DNM2: variants seen among roughly 807,000 people sequenced by gnomAD.
DNM2 encodes dynamin 2.
A neutral mutation model predicts 99.0 loss-of-function variants in DNM2; 15 were observed. The observed-to-expected ratio is 0.15, with a 90% CI of 0.10 to 0.23. The LOEUF (loss-of-function observed/expected upper bound fraction) is 0.23, where lower values mean the gene tolerates loss of function less well. Ranked by LOEUF, DNM2 falls within the 10% of genes least tolerant of loss-of-function variation. DNM2 has a pLI of 1.00. For missense variants in DNM2, 742 were observed against 1,189.4 expected, an observed-to-expected ratio of 0.62 and a Z score of 5.53; for synonymous variants, 525 against 481.2, an observed-to-expected ratio of 1.09 and a Z score of -1.19.
chr19:10,787,686 C>T (rs551945329), intron 7 of DNM2, among the ~76,000 whole-genome samples: 78 of 142,492 alleles, frequency 5.5e-4, no homozygotes, highest in Non-Finnish European at 7.9e-4. Flanking sequence ...ACCCAGGAGG[C>T]GGAGCTTGCA....
chr19:10,724,998 C>G (rs564222748), intron 1 of DNM2, among the ~76,000 whole-genome samples: 1 of 152,216 alleles, frequency 6.6e-6, no homozygotes, highest in Admixed American at 6.5e-5. Flanking sequence ...ATCGGATGCC[C>G]GTTGGCTCCT....
intron 2 of DNM2, among the ~76,000 whole-genome samples, chr19:10,770,844 C>T (rs1176726848): frequency 1.3e-5 from 2 of 152,188 alleles, no homozygotes; most frequent in Non-Finnish European, 1.5e-5. Context: ...GTCCCTGCTA[C>T]AACACAAGGG....
chr19:10,786,590 G>T lies in DNM2; in HGVS notation c.876G>T (p.Ser292=), dbSNP rs749140605. 1.2e-6 allele frequency: 2 copies of T among 1,614,072 alleles called. No homozygotes were observed. The highest frequency in any genetic ancestry group is 1.7e-6 in the Non-Finnish European group (2 of 1,179,996). The part of the protein sequence containing the change: ...NQQLTNHIRE[S]LPALRSKLQS... ...AACTGACCAACCACATCCGGGAGTC[G>T]CTGCCGGCCCTACGTAGCAAACTAC... Residue 292 remains serine, a synonymous_variant, in exon 7 of 21, where the codon TCG becomes TCT. Coordinates refer to ENST00000389253, the MANE Select transcript of DNM2 (RefSeq NM_001005361.3).
intron 1 of DNM2, among the ~76,000 whole-genome samples, chr19:10,730,217 C>T (rs986783030): frequency 5.3e-5 from 8 of 152,110 alleles, no homozygotes; most frequent in Non-Finnish European, 1.2e-4. Flanking sequence ...TGGTGACTCA[C>T]GCCTGTAATC....
At chr19:10,757,932 AAG>A (rs2145843925) in intron 1 of DNM2, among the ~76,000 whole-genome samples, 1 of 146,984 alleles carries the variant, frequency 6.8e-6, no homozygotes. Context: ...AACAAGAGCG[AAG>A]CTCTGTCTCA....
intron 1 of DNM2, among the ~76,000 whole-genome samples, chr19:10,721,700 C>T (rs531751349): frequency 2.0e-5 from 3 of 152,258 alleles, no homozygotes; most frequent in African/African-American, 4.8e-5. Context: ...TGAGCCATTG[C>T]GCCGAGCCTG....
chr19:10,795,969 G>A lies in DNM2; in HGVS notation c.1196+530G>A, dbSNP rs1398997309. On this transcript the variant is annotated intron_variant, in intron 9 of 20. Coordinates refer to ENST00000389253, the MANE Select transcript of DNM2 (RefSeq NM_001005361.3). This position sits in a 1 kb window ranked among gnomAD's most constrained non-coding sequence, Gnocchi z 4.2. ...ACACATGACACAACCTTCATTCCTT[G>A]TTGGGGACCCGGCCAGGGCCAATGA... is the stretch of plus-strand genomic sequence containing the variant. 3 of 1,598,478 alleles carry A rather than the reference G, an allele frequency of 1.9e-6. No homozygotes were observed. The highest frequency in any genetic ancestry group is 2.6e-6 in the Non-Finnish European group (3 of 1,174,578).
intron 13 of DNM2, 51 bp downstream of exon 13, chr19:10,806,018 C>A: frequency 6.2e-7 from 1 of 1,611,934 alleles, no homozygotes; most frequent in South Asian, 1.1e-5. Context: ...CGGGAGGACG[C>A]TAAGTGACAG....
intron 7 of DNM2, among the ~76,000 whole-genome samples, chr19:10,792,040 A>G (rs1038219050): frequency 6.6e-6 from 1 of 152,182 alleles, no homozygotes. Context: ...GTAAGCTGAG[A>G]TTGTCCCATT....
intron 1 of DNM2, among the ~76,000 whole-genome samples, chr19:10,726,923 C>A (rs2069135132): frequency 6.6e-6 from 1 of 152,152 alleles, no homozygotes; most frequent in African/African-American, 2.4e-5. Flanking sequence ...CGTGTCCAGA[C>A]AACCGACTAT....
intron 6 of DNM2, among the ~76,000 whole-genome samples, chr19:10,784,845 A>T (rs1418495827): frequency 5.1e-5 from 4 of 79,156 alleles, no homozygotes; most frequent in African/African-American, 2.1e-4. Flanking sequence ...TTTTTTTGAG[A>T]CAGAGCCTCA....
In DNM2 at chr19:10,718,131, C is replaced by A; in HGVS notation, c.-112C>A. The A allele has an allele frequency of 8.4e-7, 1 of 1,184,852 alleles. No individual in the cohort carries two copies. Among genetic ancestry groups the A allele is most frequent in the Non-Finnish European group, 1.1e-6 (1 of 938,420 alleles). 73.4% of individuals were successfully genotyped at this position (1,184,852 alleles called of 1,614,324 possible). On this transcript the variant is annotated 5_prime_UTR_variant, in exon 1 of 21. Transcript: ENST00000389253. The stretch of plus-strand genomic sequence containing the variant: ...GGCCGAGCCGGGAGCGGGCGTCTTG[C>A]CGAGGCCCGGGCGGGCGGGGAGCAA...
Position 10,818,753 on chromosome 19 carries a change from G to C in DNM2, c.1672-1227G>C, listed in dbSNP as rs2072865861. Among the ~76,000 whole-genome samples, 1 of 152,218 alleles carries C rather than the reference G, an allele frequency of 6.6e-6. No homozygotes were observed. The highest frequency in any genetic ancestry group is 6.5e-5 in the Admixed American group (1 of 15,284). The stretch of plus-strand genomic sequence containing the variant: ...AGGGGACATGAGAGGAGTTTCCAGA[G>C]ACGGCCCAGGGAGAAGAAGGGCCAG... On this transcript the variant is annotated intron_variant, in intron 15 of 20. Coordinates refer to ENST00000389253, the MANE Select transcript of DNM2 (RefSeq NM_001005361.3). This position sits in a 1 kb window ranked among gnomAD's most constrained non-coding sequence, Gnocchi z 4.3.
rs1230404170 is a variant in DNM2 at position 10,805,588 on chromosome 19, AT to A, written c.1494-326del. ...AGGGTCAAGGCTGCAGTGAGCTGTG[AT>A]TGCGCCACTGCACTCATCTTAGGCA... On this transcript the variant is annotated intron_variant, in intron 12 of 20. Transcript: ENST00000389253. Among the ~76,000 whole-genome samples, 7 of 152,248 alleles carry A rather than the reference AT, an allele frequency of 4.6e-5. 1 individual carries two copies. The East Asian group carries it at 1.4e-3, about 29-fold the overall frequency.
chr19:10,793,741 G>A lies in DNM2; in HGVS notation c.1014G>A (p.Val338=). The part of the protein sequence containing the change: ...ALLQMVQQFG[V]DFEKRIEGSG... ...ATAGGATGGTCCAGCAGTTTGGGGT[G>A]GATTTTGAGAAGAGGATCGAGGGCT... Residue 338 remains valine, a synonymous_variant, in exon 8 of 21, where the codon GTG becomes GTA. Coordinates refer to ENST00000389253, the MANE Select transcript of DNM2 (RefSeq NM_001005361.3). 6.2e-7 allele frequency: 1 copy of A among 1,614,098 alleles called. No individual in the cohort carries two copies. Among genetic ancestry groups the A allele is most frequent in the Non-Finnish European group, 8.5e-7 (1 of 1,180,032 alleles).
chr19:10,722,970 T>G (rs1377170973), intron 1 of DNM2, among the ~76,000 whole-genome samples: 2 of 151,530 alleles, frequency 1.3e-5, no homozygotes, highest in African/African-American at 4.9e-5. Flanking sequence ...TTCTTTCCCT[T>G]TCTTTTTTTT....
chr19:10,812,001 A>G lies in DNM2; in HGVS notation c.1558-263A>G, dbSNP rs1409942674. ...GGACTCCTCCCATGGGCCCCTTTCCATCAGGCCTCTGTGAGTCTATACCCC... is the reference window on the plus strand; with the variant it reads ...GGACTCCTCCCATGGGCCCCTTTCCGTCAGGCCTCTGTGAGTCTATACCCC... On this transcript the variant is annotated intron_variant, in intron 14 of 20. Transcript: ENST00000389253. This position sits in a 1 kb window ranked among gnomAD's most constrained non-coding sequence, Gnocchi z 4.0. 2 of 491,174 alleles carry G rather than the reference A, an allele frequency of 4.1e-6. No individual in the cohort carries two copies. The highest frequency in any genetic ancestry group is 1.5e-5 in the South Asian group (1 of 64,840). 30.4% of individuals were successfully genotyped at this position (491,174 alleles called of 1,614,324 possible).
Position 10,830,481 on chromosome 19 carries a change from G to A in DNM2, c.2543+103G>A, listed in dbSNP as rs976987928. The A allele has an allele frequency of 1.8e-5, 24 of 1,332,236 alleles. No homozygotes were observed. Among genetic ancestry groups the A allele is most frequent in the Middle Eastern group, 2.1e-4 (1 of 4,750 alleles). 82.5% of individuals were successfully genotyped at this position (1,332,236 alleles called of 1,614,324 possible). A position where few individuals can be genotyped will look rare whatever the true frequency, so the allele number is the denominator to read the frequency against. ...AGCTCTCACTACGTGCCCAGCTGCTGGAGTGGAGGAATCGTCCTCATCCCT... is the reference window on the plus strand; with the variant it reads ...AGCTCTCACTACGTGCCCAGCTGCTAGAGTGGAGGAATCGTCCTCATCCCT... On this transcript the variant is annotated intron_variant, in intron 20 of 20. Coordinates refer to ENST00000389253, the MANE Select transcript of DNM2 (RefSeq NM_001005361.3). This position sits in a 1 kb window ranked among gnomAD's most constrained non-coding sequence, Gnocchi z 4.8.
intron 1 of DNM2, among the ~76,000 whole-genome samples, chr19:10,722,594 C>T (rs999081959): frequency 3.9e-5 from 6 of 151,936 alleles, no homozygotes; most frequent in East Asian, 1.9e-4. Context: ...CCGTCCACCT[C>T]GGCCTCCCAA....
Sources: allele counts gnomAD v4.1 joint callset (sites outside exome capture counted in the v4.1 genomes callset), GRCh38; gene constraint gnomAD v4.1.1; non-coding constraint Gnocchi (gnomAD v3.1); transcripts MANE v1.5; gene names NCBI Gene and HGNC (gene_info 2026-07-23, HGNC 2026-07-21).